ZZEF1: variants seen among roughly 807,000 people sequenced by gnomAD.
ZZEF1 encodes zinc finger ZZ-type and EF-hand domain containing 1, also known as zinc finger ZZ-type and EF-hand domain-containing protein 1.
In ZZEF1, 157 loss-of-function variants were observed where a neutral mutation model predicts 342.8. That is an observed-to-expected ratio of 0.46 (90% CI 0.40 to 0.52). ZZEF1 has a LOEUF of 0.52. Ranked by LOEUF, ZZEF1 falls within the 20% of genes least tolerant of loss-of-function variation. The probability of loss-of-function intolerance (pLI) is 0.00; values close to 1 mark genes in which losing one functional copy is unlikely to be tolerated. For synonymous variants in ZZEF1, 1,505 were observed against 1,429.1 expected (o/e 1.05, Z -1.20); for missense variants, 3,480 against 3,725.6 (o/e 0.93, Z 1.72).
chr17:4,028,902 T>C (rs2056476039), intron 42 of ZZEF1, among the ~76,000 whole-genome samples: 1 of 152,262 alleles, frequency 6.6e-6, no homozygotes, highest in South Asian at 2.1e-4. Flanking sequence ...ATGCAAATGC[T>C]ATTTTTAAAA....
chr17:4,034,330 T>C (rs375054253), intron 39 of ZZEF1, 38 bp from the exon 40 acceptor site: 41 of 1,605,330 alleles, frequency 2.6e-5, no homozygotes, highest in Non-Finnish European at 3.4e-5. Flanking sequence ...CAGTACAAAA[T>C]CCACATAACC....
intron 37 of ZZEF1, among the ~76,000 whole-genome samples, chr17:4,047,838 G>A (rs183962512): frequency 7.5e-4 from 111 of 148,068 alleles, no homozygotes; most frequent in African/African-American, 2.6e-3. Flanking sequence ...TTACTTGAGA[G>A]GCTGAGGTAG....
At chr17:4,135,867 A>G (rs1298767580) in intron 1 of ZZEF1, among the ~76,000 whole-genome samples, 5 of 152,168 alleles carry the variant, frequency 3.3e-5, no homozygotes, top group African/African-American at 1.2e-4. Flanking sequence ...AGTGCTTCTC[A>G]ACTTTTATTG....
At position 4,027,451 on chromosome 17, in the gene ZZEF1, C is replaced by T. The variant is rs563759939; in HGVS notation, c.6893-2333G>A. ...TTGGGATTACAGGCGCACACCACCA[C>T]GTGTGGCTAATTTTTGTATTTTTAG... On this transcript the variant is annotated intron_variant, in intron 42 of 54. Coordinates refer to ENST00000381638, the MANE Select transcript of ZZEF1 (RefSeq NM_015113.4). 1.2e-3 allele frequency among the ~76,000 whole-genome samples: 179 copies of T among 151,744 alleles called. 1 individual carries two copies. The highest frequency in any genetic ancestry group is 1.9e-3 in the African/African-American group (79 of 41,340).
intron 23 of ZZEF1, 99 bp downstream of exon 23, chr17:4,074,998 C>T: frequency 1.7e-6 from 2 of 1,152,804 alleles, no homozygotes; most frequent in Non-Finnish European, 2.5e-6. Context: ...AACATAAATG[C>T]CTCCCTTCAA....
intron 2 of ZZEF1, 86 bp downstream of exon 2, chr17:4,123,821 A>C: frequency 6.7e-7 from 1 of 1,486,124 alleles, no homozygotes; most frequent in Non-Finnish European, 9.1e-7. Context: ...AGTTTACTGC[A>C]TGTGGCCACA....
rs543767213 is a variant in ZZEF1, at chr17:4,076,644, A to G, written c.3227T>C (p.Leu1076Pro). ...AGTGCTGACTCGAGTTACCTTCCTC[A>G]GTCCTCCTTCGGGGCCACTACAGAG... ...KKLCSGPEGG[L>P]RKLDVETWQQ... is the part of the protein sequence containing the mutation. Residue 1076 changes from leucine to proline, a missense_variant, in exon 21 of 55, where the codon CTG becomes CCG. This residue lies in a region of ZZEF1 where 1,528 missense variants were observed against 1,624.1 expected (regional missense o/e 0.94). Coordinates refer to ENST00000381638, the MANE Select transcript of ZZEF1 (RefSeq NM_015113.4). 1 of 1,609,406 alleles carries G rather than the reference A, an allele frequency of 6.2e-7. No homozygotes were observed. Among genetic ancestry groups the G allele is most frequent in the East Asian group, 2.2e-5 (1 of 44,722 alleles).
chr17:4,052,876 G>T (rs905079896), intron 34 of ZZEF1, among the ~76,000 whole-genome samples: 5 of 150,328 alleles, frequency 3.3e-5, no homozygotes, highest in African/African-American at 5.0e-5. Context: ...CGGGAGGGCG[G>T]CGGGGGAGAA....
At chr17:4,021,792 T>C (rs2056277184) in intron 44 of ZZEF1, among the ~76,000 whole-genome samples, 1 of 152,218 alleles carries the variant, frequency 6.6e-6, no homozygotes, top group Non-Finnish European at 1.5e-5. Flanking sequence ...GCAGCCCACA[T>C]GCCATCAATT....
chr17:4,017,948 G>A lies in ZZEF1; in HGVS notation c.7529C>T (p.Thr2510Ile). 1.2e-6 allele frequency: 2 copies of A among 1,613,884 alleles called. No individual in the cohort carries two copies. Among genetic ancestry groups the A allele is most frequent in the Non-Finnish European group, 1.7e-6 (2 of 1,180,034 alleles). Reference protein sequence around the residue: ...QKRFDGDELTTDERIRSLAQR... With the variant: ...QKRFDGDELTIDERIRSLAQR... ...AGCCAGGGACCGTATCCTTTCATCTGTGGTGAGCTCATCACCATCAAACCT... is the reference window on the plus strand; with the variant it reads ...AGCCAGGGACCGTATCCTTTCATCTATGGTGAGCTCATCACCATCAAACCT... Residue 2510 changes from threonine to isoleucine, a missense_variant, in exon 47 of 55, where the codon ACA (threonine) becomes ATA (isoleucine). Physicochemically the swap from Thr to Ile is moderately conservative, Grantham distance 89. Transcript: ENST00000381638. This position sits in a 1 kb window ranked among gnomAD's most constrained non-coding sequence, Gnocchi z 5.1.
At chr17:4,128,454 AGTT>A (rs1488720665) in intron 1 of ZZEF1, among the ~76,000 whole-genome samples, 1 of 84,232 alleles carries the variant, frequency 1.2e-5, no homozygotes, top group Non-Finnish European at 2.5e-5. Flanking sequence ...ATTTTTCTAA[AGTT>A]GTTTTTTTTT....
At chr17:4,086,078 C>T (rs1254366916) in intron 15 of ZZEF1, among the ~76,000 whole-genome samples, 4 of 152,204 alleles carry the variant, frequency 2.6e-5, no homozygotes, top group South Asian at 4.1e-4. Context: ...CAGAAGCCCA[C>T]GTGTTTCACT....
At chr17:4,130,649 A>G (rs528792381) in intron 1 of ZZEF1, among the ~76,000 whole-genome samples, 53 of 152,096 alleles carry the variant, frequency 3.5e-4, no homozygotes, top group Non-Finnish European at 4.4e-4. Context: ...CCGGGAGAGA[A>G]AAGTGAAGGG....
chr17:4,010,519 C>T (rs2055919423), intron 52 of ZZEF1, among the ~76,000 whole-genome samples: 1 of 151,422 alleles, frequency 6.6e-6, no homozygotes, highest in African/African-American at 2.4e-5. Flanking sequence ...AGGAGTTGGC[C>T]AGGAGACCAG....
Position 4,017,957 on chromosome 17 carries a change from T to G in ZZEF1, c.7520A>C (p.Glu2507Ala). The G allele has an allele frequency of 6.2e-7, 1 of 1,613,574 alleles. No individual in the cohort carries two copies. The highest frequency in any genetic ancestry group is 8.5e-7 in the Non-Finnish European group (1 of 1,180,022). ...CCGTATCCTTTCATCTGTGGTGAGC[T>G]CATCACCATCAAACCTGCAGAAGGG... ...LEVQKRFDGD[E>A]LTTDERIRSL... The change falls in exon 47 of 55, where the codon GAG becomes GCG. Residue 2507 changes from glutamate to alanine, a missense_variant. Glu to Ala is a moderately radical substitution (Grantham distance 107). Around this residue, in one of 5 missense-constraint regions of ZZEF1, gnomAD observed 1,269 missense variants for 1,342.4 expected, o/e 0.95. Coordinates refer to ENST00000381638, the MANE Select transcript of ZZEF1 (RefSeq NM_015113.4). This position sits in a 1 kb window ranked among gnomAD's most constrained non-coding sequence, Gnocchi z 5.1.
chr17:4,017,557 G>A lies in ZZEF1; in HGVS notation c.7815C>T (p.Asp2605=). 6.2e-7 allele frequency: 1 copy of A among 1,614,276 alleles called. No individual in the cohort carries two copies. The highest frequency in any genetic ancestry group is 8.5e-7 in the Non-Finnish European group (1 of 1,180,046). The change falls in exon 48 of 55, where the codon GAC becomes GAT. Residue 2605 remains aspartate (D), a synonymous_variant. Coordinates refer to ENST00000381638, the MANE Select transcript of ZZEF1 (RefSeq NM_015113.4). The surrounding 1 kb of genome is among the most constrained non-coding windows in gnomAD (Gnocchi z 5.1). The part of the protein sequence containing the change: ...LNCKSKRAVR[D]YLFRVNEATA... ...TGGCCTCGTTCACTCGGAAGAGGTA[G>A]TCCCGGACAGCCCTCTTACTCTTGC...
At chr17:4,114,588 TC>T (rs1332704801) in intron 3 of ZZEF1, 118 bp from the exon 4 acceptor site, 5 of 826,364 alleles carry the variant, frequency 6.1e-6, no homozygotes, top group East Asian at 6.1e-5. Flanking sequence ...ACACAAATCT[TC>T]CTTAAAATCT....
At chr17:4,051,153 A>G in intron 35 of ZZEF1, 110 bp from the exon 36 acceptor site, 1 of 1,412,864 alleles carries the variant, frequency 7.1e-7, no homozygotes, top group Admixed American at 2.0e-5. Flanking sequence ...GGCATTAGTC[A>G]CCTCTAGGAT....
rs1479745241 is a variant in ZZEF1, at chr17:4,036,809, ACACACACACTCTCT to A, written c.6307-2531_6307-2518del. Among the ~76,000 whole-genome samples the A allele has an allele frequency of 1.2e-3, 110 of 91,472 alleles. No individual in the cohort carries two copies. In the South Asian group the frequency reaches 0.014, roughly 11 times the overall value. 60.0% of individuals were successfully genotyped at this position (91,472 alleles called of 152,430 possible). On this transcript the variant is annotated intron_variant, in intron 39 of 54. Transcript: ENST00000381638. ...CACACACACACACACACACACACAC[ACACACACACTCTCT>A]CTCTCTCTCTCTCTCTCTCTCCCCG...
Sources: gnomAD v4.1 joint callset for allele counts (sites outside exome capture counted in the v4.1 genomes callset) on GRCh38, gnomAD v4.1.1 for gene constraint, gnomAD v4.1.1 regional missense constraint, Gnocchi (gnomAD v3.1) non-coding constraint, MANE v1.5 for transcripts, NCBI Gene and HGNC (gene_info 2026-07-23, HGNC 2026-07-21) for gene names.